TMEM161B: variants seen among roughly 807,000 people sequenced by gnomAD.
TMEM161B encodes transmembrane protein 161B.
In TMEM161B, 34 loss-of-function variants were observed where a neutral mutation model predicts 61.8. That is an observed-to-expected ratio of 0.55 (90% CI 0.42 to 0.73). The LOEUF (loss-of-function observed/expected upper bound fraction) is 0.73. Ranked by LOEUF, TMEM161B falls within the 30% of genes least tolerant of loss-of-function variation. The pLI is 0.00. For synonymous variants in TMEM161B, 167 were observed against 192.8 expected (o/e 0.87, Z 1.11); for missense variants, 456 against 558.5 (o/e 0.82, Z 1.85).
chr5:88,185,702 ATTAG>A (rs968920231), downstream of TMEM161B, among the ~76,000 whole-genome samples: 29 of 152,336 alleles, frequency 1.9e-4, no homozygotes, highest in African/African-American at 6.7e-4. Context: ...ATTTCACTGA[ATTAG>A]TTAAATACCA....
intron 2 of TMEM161B, among the ~76,000 whole-genome samples, chr5:88,235,934 G>T (rs1751773047): frequency 6.6e-6 from 1 of 152,192 alleles, no homozygotes; most frequent in Non-Finnish European, 1.5e-5. Context: ...GGAACTGGAA[G>T]TTAAAAAAGC....
Position 88,203,069 on chromosome 5 carries a change from TA to T in TMEM161B, c.806del (p.Leu269TyrfsTer17). 1 of 1,573,426 alleles carries T rather than the reference TA, an allele frequency of 6.4e-7. No individual in the cohort carries two copies. ...AAGGTGCCAAGAAGTTGATATGAAG[TA>T]AAGTTCTGAAAGTACGTAAGAAATA... ...NLATEKITQT[L>X]LHINFLAPLF... is the part of the protein sequence containing the mutation. On this transcript the variant is annotated frameshift_variant, in exon 9 of 12. Transcript: ENST00000296595. LOFTEE classifies it high-confidence loss of function.
chr5:88,240,253 T>C (rs781754461), intron 2 of TMEM161B, among the ~76,000 whole-genome samples: 42 of 151,906 alleles, frequency 2.8e-4, no homozygotes, highest in Admixed American at 1.5e-3. Flanking sequence ...AGTAAAACTA[T>C]GAACTCCTAA....
chr5:88,227,828 A>G (rs1362125787), intron 3 of TMEM161B, among the ~76,000 whole-genome samples: 1 of 152,212 alleles, frequency 6.6e-6, no homozygotes, highest in Non-Finnish European at 1.5e-5. Flanking sequence ...ACTTTCCCTA[A>G]GAATTCTATT....
At chr5:88,189,569 T>G (rs998011981), downstream of TMEM161B, 2 of 153,840 alleles carry the variant, frequency 1.3e-5, no homozygotes, top group Non-Finnish European at 2.9e-5. Flanking sequence ...CAGTCCTTGA[T>G]CCACACTCAA....
Position 88,197,773 on chromosome 5 carries a change from C to T in TMEM161B, c.1090-8G>A. The T allele has an allele frequency of 6.2e-7, 1 of 1,609,864 alleles. No individual in the cohort carries two copies. The highest frequency in any genetic ancestry group is 8.5e-7 in the Non-Finnish European group (1 of 1,177,570). ...ATAAAAGACTCGAGCCACCTGCAACCAACAACATTCTTAAGTGTCTAATGC... is the reference window on the plus strand; with the variant it reads ...ATAAAAGACTCGAGCCACCTGCAACTAACAACATTCTTAAGTGTCTAATGC... On this transcript the variant is annotated splice_region_variant and splice_polypyrimidine_tract_variant and intron_variant, in intron 10 of 11. Coordinates refer to ENST00000296595, the MANE Select transcript of TMEM161B (RefSeq NM_153354.5).
intron 5 of TMEM161B, among the ~76,000 whole-genome samples, chr5:88,207,789 C>A (rs1290533360): frequency 6.6e-6 from 1 of 152,194 alleles, no homozygotes; most frequent in Non-Finnish European, 1.5e-5. Context: ...TAAATCAGTG[C>A]ATGGCCCAAA....
intron 4 of TMEM161B, among the ~76,000 whole-genome samples, chr5:88,223,475 T>C (rs900826050): frequency 6.6e-6 from 1 of 152,166 alleles, no homozygotes; most frequent in East Asian, 1.9e-4. Flanking sequence ...TAAGCGCATA[T>C]AGGAGTAGTG....
At chr5:88,248,626 T>C (rs1427156044) in intron 1 of TMEM161B, among the ~76,000 whole-genome samples, 1 of 150,254 alleles carries the variant, frequency 6.7e-6, no homozygotes, top group Non-Finnish European at 1.5e-5. Flanking sequence ...CCCAGGCTGC[T>C]AGAAATTGCC....
intron 5 of TMEM161B, 127 bp from the exon 6 acceptor site, chr5:88,207,307 T>C: frequency 1.1e-6 from 1 of 905,140 alleles, no homozygotes; most frequent in Non-Finnish European, 1.6e-6. Flanking sequence ...TTTAAAACAC[T>C]TTTAAATTAA....
At chr5:88,215,210 TG>T (rs1561340871) in intron 5 of TMEM161B, among the ~76,000 whole-genome samples, 1 of 152,202 alleles carries the variant, frequency 6.6e-6, no homozygotes, top group African/African-American at 2.4e-5. Context: ...TGTATGACTA[TG>T]GAATCAAGCA....
Position 88,195,066 on chromosome 5 carries a change from G to T in TMEM161B, c.*1145C>A. The T allele has an allele frequency of 1.3e-6, 1 of 798,940 alleles. No individual in the cohort carries two copies. The highest frequency in any genetic ancestry group is 1.5e-6 in the Non-Finnish European group (1 of 659,926). 49.5% of individuals were successfully genotyped at this position (798,940 alleles called of 1,614,324 possible). On this transcript the variant is annotated 3_prime_UTR_variant, in exon 12 of 12. Transcript: ENST00000296595. ...TTTAACAAAGGCATACATGATACCT[G>T]TAGACCTGATTTGAGAGGGAAAGAT...
At chr5:88,265,669 G>A (rs1023477749) in intron 1 of TMEM161B, among the ~76,000 whole-genome samples, 7 of 151,986 alleles carry the variant, frequency 4.6e-5, no homozygotes, top group Non-Finnish European at 7.4e-5. Flanking sequence ...TCTTTCCACT[G>A]TACTCTTTGA....
chr5:88,238,711 GT>G (rs910747718), intron 2 of TMEM161B, among the ~76,000 whole-genome samples: 21 of 151,688 alleles, frequency 1.4e-4, no homozygotes, highest in Non-Finnish European at 2.7e-4. Flanking sequence ...ATAATTTTAG[GT>G]TTTTTTCTAT....
intron 9 of TMEM161B, chr5:88,202,045 C>A (rs1310842028): frequency 2.3e-6 from 1 of 431,324 alleles, no homozygotes; most frequent in African/African-American, 2.0e-5. Context: ...GCACTTAATT[C>A]CAGCTGGTTG....
intron 5 of TMEM161B, among the ~76,000 whole-genome samples, chr5:88,215,008 TA>T (rs1384176472): frequency 6.6e-6 from 1 of 152,236 alleles, no homozygotes; most frequent in Non-Finnish European, 1.5e-5. Context: ...GTAGAAAGCA[TA>T]ATTTGCTGTC....
intron 4 of TMEM161B, among the ~76,000 whole-genome samples, chr5:88,222,940 C>G (rs1471883445): frequency 6.6e-6 from 1 of 152,004 alleles, no homozygotes; most frequent in African/African-American, 2.4e-5. Context: ...ATACAACATG[C>G]ATTCACAAAT....
At chr5:88,197,599 G>T in intron 11 of TMEM161B, 70 bp downstream of exon 11, 4 of 1,256,508 alleles carry the variant, frequency 3.2e-6, no homozygotes, top group Non-Finnish European at 4.5e-6. Flanking sequence ...TTTCTTTGTT[G>T]GTGACAAAAA....
chr5:88,191,282 C>T (rs1293282922), downstream of TMEM161B, among the ~76,000 whole-genome samples: 1 of 152,152 alleles, frequency 6.6e-6, no homozygotes, highest in Admixed American at 6.5e-5. Context: ...AAGTCCTAGA[C>T]CCTCCTTCCC....
Sources: allele counts gnomAD v4.1 joint callset (sites outside exome capture counted in the v4.1 genomes callset), GRCh38; gene constraint gnomAD v4.1.1; transcripts MANE v1.5; gene names NCBI Gene and HGNC (gene_info 2026-07-23, HGNC 2026-07-21).